Variants in ATP11B observed in about 807,000 individuals in gnomAD.
ATP11B encodes phospholipid-transporting ATPase IF.
A neutral mutation model predicts 157.8 loss-of-function variants in ATP11B; 81 were observed. The ratio of observed to expected loss-of-function variants is 0.51; its 90% confidence interval spans 0.43 to 0.62. The LOEUF is 0.62. Among genes scored for constraint, ATP11B ranks in the 20% least tolerant of loss-of-function variants. ATP11B has a pLI of 0.00. For missense variants in ATP11B, 1,165 were observed against 1,402.2 expected (o/e 0.83, Z 2.70); for synonymous variants, 451 against 469.4 (o/e 0.96, Z 0.51).
chr3:182,884,727 C>CATGT (rs1722683797), intron 21 of ATP11B, 26 bp from the exon 22 acceptor site: 1 of 1,568,402 alleles, frequency 6.4e-7, no homozygotes, highest in Admixed American at 2.1e-5. Context: ...TATCAGTGAA[C>CATGT]ATGTCTTTTG....
intron 1 of ATP11B, among the ~76,000 whole-genome samples, chr3:182,818,222 G>T (rs1195837275): frequency 1.3e-5 from 2 of 152,176 alleles, no homozygotes; most frequent in African/African-American, 2.4e-5. Flanking sequence ...TAATGCTCCA[G>T]ATACCTGTTT....
At chr3:182,844,278 A>G (rs1231659175) in intron 8 of ATP11B, 3 of 152,350 alleles carry the variant, frequency 2.0e-5, no homozygotes, top group African/African-American at 7.2e-5. Context: ...GATTTGGACT[A>G]TCCATGGAGT....
chr3:182,799,840 G>A (rs1488889504), intron 1 of ATP11B, among the ~76,000 whole-genome samples: 1 of 152,130 alleles, frequency 6.6e-6, no homozygotes, highest in Non-Finnish European at 1.5e-5. Context: ...TAGGCCAGGT[G>A]TGGTGGCTCA....
At chr3:182,853,990 T>C (rs1720179755) in intron 10 of ATP11B, among the ~76,000 whole-genome samples, 1 of 152,170 alleles carries the variant, frequency 6.6e-6, no homozygotes, top group Non-Finnish European at 1.5e-5. Flanking sequence ...ACCATTCATG[T>C]GTGGGTTTGT....
intron 28 of ATP11B, among the ~76,000 whole-genome samples, chr3:182,912,309 A>C (rs1028679991): frequency 1.3e-5 from 2 of 152,076 alleles, no homozygotes; most frequent in Non-Finnish European, 2.9e-5. Flanking sequence ...CCACTAAGAA[A>C]ATGAGTGGAG....
intron 21 of ATP11B, among the ~76,000 whole-genome samples, chr3:182,884,283 A>G (rs1406778970): frequency 6.6e-6 from 1 of 152,110 alleles, no homozygotes; most frequent in Non-Finnish European, 1.5e-5. Context: ...TTTCCTTTTA[A>G]AAAGTGCACT....
intron 19 of ATP11B, among the ~76,000 whole-genome samples, chr3:182,874,762 A>C (rs1721912311): frequency 6.6e-6 from 1 of 152,210 alleles, no homozygotes; most frequent in Admixed American, 6.5e-5. Context: ...CTTGCCCAAA[A>C]GAAGTATTTT....
intron 8 of ATP11B, among the ~76,000 whole-genome samples, chr3:182,843,105 G>T (rs2108516827): frequency 6.6e-6 from 1 of 152,286 alleles, no homozygotes; most frequent in Middle Eastern, 3.4e-3. Flanking sequence ...TGTAATGTTA[G>T]ATTTCCCTCA....
At chr3:182,917,219 G>T (rs1725199159) in intron 29 of ATP11B, 1 of 985,182 alleles carries the variant, frequency 1.0e-6, no homozygotes, top group Non-Finnish European at 1.2e-6. Context: ...TACATAAAAT[G>T]TATTTATTGT....
intron 1 of ATP11B, 150 bp from the exon 2 acceptor site, chr3:182,820,110 A>C (rs1717234687): frequency 1.9e-6 from 1 of 525,398 alleles, no homozygotes. Flanking sequence ...TAGGTGGCAT[A>C]GCTCTTCTAA....
intron 1 of ATP11B, among the ~76,000 whole-genome samples, chr3:182,818,788 A>C (rs58733605): frequency 4.6e-5 from 7 of 152,308 alleles, no homozygotes; most frequent in African/African-American, 1.7e-4. Context: ...TTACTTACGT[A>C]GTAGGTTACT....
chr3:182,904,391 A>G (rs1311029875), intron 28 of ATP11B, among the ~76,000 whole-genome samples: 1 of 152,238 alleles, frequency 6.6e-6, no homozygotes, highest in Non-Finnish European at 1.5e-5. Flanking sequence ...TCATAGCTGC[A>G]TGGAGAACAA....
At chr3:182,815,960 T>G (rs1716944478) in intron 1 of ATP11B, among the ~76,000 whole-genome samples, 1 of 152,188 alleles carries the variant, frequency 6.6e-6, no homozygotes, top group Non-Finnish European at 1.5e-5. Context: ...ATATAGCTGT[T>G]TGCTGATTTG....
intron 1 of ATP11B, among the ~76,000 whole-genome samples, chr3:182,797,525 T>C (rs1715696669): frequency 6.6e-6 from 1 of 152,076 alleles, no homozygotes; most frequent in African/African-American, 2.4e-5. Flanking sequence ...CTGGCCAACA[T>C]GGTGAAACCT....
chr3:182,808,324 A>G (rs542619184), intron 1 of ATP11B, among the ~76,000 whole-genome samples: 1 of 152,292 alleles, frequency 6.6e-6, no homozygotes, highest in South Asian at 2.1e-4. Flanking sequence ...TTGTAAAGGA[A>G]TTGGTTTCTA....
chr3:182,918,440 A>C lies in ATP11B; in HGVS notation c.*336A>C. ...TAATATAAATGTAGAAAAAAGAGAG[A>C]AATCTTAGTAAAGAGTATTTTTTAG... On this transcript the variant is annotated 3_prime_UTR_variant, in exon 30 of 30. Transcript: ENST00000323116. 1 of 398,870 alleles carries C rather than the reference A, an allele frequency of 2.5e-6. No homozygotes were observed. 24.7% of individuals were successfully genotyped at this position (398,870 alleles called of 1,614,324 possible).
intron 10 of ATP11B, among the ~76,000 whole-genome samples, chr3:182,856,390 T>G (rs892952195): frequency 6.6e-6 from 1 of 152,000 alleles, no homozygotes; most frequent in African/African-American, 2.4e-5. Flanking sequence ...AGGTTAGTAA[T>G]GTAGGGAAAA....
rs550840179 is a variant in ATP11B, at chr3:182,807,084, G to A, written c.28-13176G>A. ...TCTGTCTTTGCTTTTGTGAAGTAAA[G>A]GGAACAGTTCAAAATGTAGACCTTC... On this transcript the variant is annotated intron_variant, in intron 1 of 29. Transcript: ENST00000323116. Among the ~76,000 whole-genome samples, 20 of 152,194 alleles carry A rather than the reference G, an allele frequency of 1.3e-4. No individual in the cohort carries two copies. In the East Asian group the frequency reaches 3.9e-3, roughly 29 times the overall value.
chr3:182,872,148 G>T (rs370184449), intron 17 of ATP11B, among the ~76,000 whole-genome samples: 5 of 152,170 alleles, frequency 3.3e-5, no homozygotes, highest in African/African-American at 1.2e-4. Flanking sequence ...AACATCAGAA[G>T]TTGAAAGAGG....
Sources: allele counts gnomAD v4.1 joint callset (sites outside exome capture counted in the v4.1 genomes callset), GRCh38; gene constraint gnomAD v4.1.1; transcripts MANE v1.5; gene names NCBI Gene and HGNC (gene_info 2026-07-23, HGNC 2026-07-21).